ASAP1: variants seen among roughly 807,000 people sequenced by gnomAD.
ASAP1 encodes arf-GAP with SH3 domain, ANK repeat and PH domain-containing protein 1.
ASAP1 carries 43 observed loss-of-function variants against 145.2 expected under a neutral mutation model. The ratio of observed to expected loss-of-function variants is 0.30; its 90% CI spans 0.23 to 0.38. ASAP1 has a LOEUF of 0.38. Ranked by LOEUF, ASAP1 falls within the 10% of genes least tolerant of loss-of-function variation. The pLI is 1.00. For synonymous variants in ASAP1, 546 were observed against 515.5 expected (o/e 1.06, Z -0.80); for missense variants, 1,018 against 1,355.3 (o/e 0.75, Z 3.91).
chr8:130,110,750 C>G (rs2097545358), intron 24 of ASAP1, among the ~76,000 whole-genome samples: 2 of 152,204 alleles, frequency 1.3e-5, no homozygotes, highest in South Asian at 4.1e-4. Context: ...TCTAAGAACA[C>G]AGCTCCCATT....
chr8:130,147,188 A>G, intron 13 of ASAP1, among the ~76,000 whole-genome samples: 1 of 123,572 alleles, frequency 8.1e-6, no homozygotes. Flanking sequence ...TCCAAAGGGA[A>G]ATGCAGTCTC....
intron 26 of ASAP1, 78 bp downstream of exon 26, chr8:130,079,824 C>A (rs1002525198): frequency 1.4e-6 from 2 of 1,462,824 alleles, no homozygotes; most frequent in South Asian, 1.1e-5. Context: ...CTGGGAAATT[C>A]ATGAAAACTC....
intron 9 of ASAP1, among the ~76,000 whole-genome samples, chr8:130,177,783 T>C (rs1255618700): frequency 2.6e-5 from 4 of 152,160 alleles, no homozygotes; most frequent in East Asian, 1.9e-4. Context: ...GACAATAAAA[T>C]ATATAAATAA....
intron 3 of ASAP1, among the ~76,000 whole-genome samples, chr8:130,253,672 G>A (rs1380942934): frequency 6.6e-6 from 1 of 152,044 alleles, no homozygotes; most frequent in African/African-American, 2.4e-5. Flanking sequence ...ACAGAAAATA[G>A]GTATGTATGT....
intron 11 of ASAP1, among the ~76,000 whole-genome samples, chr8:130,165,100 T>G (rs769649266): frequency 6.6e-5 from 10 of 152,238 alleles, no homozygotes; most frequent in Non-Finnish European, 1.3e-4. Context: ...TTTATTAATC[T>G]GGGGTGGGGT....
intron 4 of ASAP1, among the ~76,000 whole-genome samples, chr8:130,223,467 T>C (rs983201131): frequency 6.6e-6 from 1 of 152,216 alleles, no homozygotes; most frequent in Non-Finnish European, 1.5e-5. Context: ...AGAGCTGAAG[T>C]TCTGATGCTA....
At chr8:130,081,116 AT>A (rs2097479212) in intron 25 of ASAP1, among the ~76,000 whole-genome samples, 1 of 152,232 alleles carries the variant, frequency 6.6e-6, no homozygotes, top group African/African-American at 2.4e-5. Flanking sequence ...ATTGAGGAGA[AT>A]AGTTTCTAAA....
intron 3 of ASAP1, among the ~76,000 whole-genome samples, chr8:130,324,305 A>G (rs1342436505): frequency 6.6e-6 from 1 of 152,214 alleles, no homozygotes; most frequent in Non-Finnish European, 1.5e-5. Context: ...TGAGAAGGTA[A>G]ACATCATGGG....
intron 3 of ASAP1, among the ~76,000 whole-genome samples, chr8:130,353,982 G>T (rs990190577): frequency 6.6e-6 from 1 of 152,124 alleles, no homozygotes; most frequent in Non-Finnish European, 1.5e-5. Context: ...CGTCTCCCGG[G>T]TTCATGCCAT....
At chr8:130,063,238 G>A (rs1047110060) in intron 27 of ASAP1, among the ~76,000 whole-genome samples, 16 of 152,118 alleles carry the variant, frequency 1.1e-4, no homozygotes, top group African/African-American at 3.9e-4. Flanking sequence ...GTGCAGTGGT[G>A]CAATCAGGGC....
intron 29 of ASAP1, among the ~76,000 whole-genome samples, chr8:130,055,124 G>C (rs2097400887): frequency 6.6e-6 from 1 of 152,168 alleles, no homozygotes; most frequent in African/African-American, 2.4e-5. Context: ...GTGGCCCAGA[G>C]AGGTGACATG....
chr8:130,249,055 T>C (rs1475416936), intron 3 of ASAP1, among the ~76,000 whole-genome samples: 8 of 152,158 alleles, frequency 5.3e-5, no homozygotes, highest in Non-Finnish European at 7.4e-5. Flanking sequence ...TGTGCCTCTA[T>C]GTCAGGTTAT....
intron 4 of ASAP1, among the ~76,000 whole-genome samples, chr8:130,232,381 C>A (rs1185765144): frequency 6.6e-6 from 1 of 152,068 alleles, no homozygotes; most frequent in Non-Finnish European, 1.5e-5. Flanking sequence ...GGGAGAGGGA[C>A]CACTAAGGCA....
chr8:130,136,482 G>T (rs1165368312), intron 14 of ASAP1, among the ~76,000 whole-genome samples: 2 of 151,784 alleles, frequency 1.3e-5, no homozygotes, highest in Admixed American at 6.6e-5. Context: ...TCGTTGTACA[G>T]ATATAGTGGC....
At chr8:130,338,279 C>T (rs1433179805) in intron 3 of ASAP1, among the ~76,000 whole-genome samples, 1 of 152,208 alleles carries the variant, frequency 6.6e-6, no homozygotes, top group African/African-American at 2.4e-5. Context: ...AGTTAAGTGG[C>T]AGCAGCAGGC....
chr8:130,086,634 T>C (rs1286169731), intron 25 of ASAP1, among the ~76,000 whole-genome samples: 1 of 152,026 alleles, frequency 6.6e-6, no homozygotes, highest in Non-Finnish European at 1.5e-5. Context: ...TGAAACCCCG[T>C]CTCCACAAAA....
intron 11 of ASAP1, 32 bp from the exon 12 acceptor site, chr8:130,159,996 A>C: frequency 6.4e-7 from 1 of 1,557,422 alleles, no homozygotes; most frequent in African/African-American, 1.4e-5. Context: ...TTAAACAAAA[A>C]CTAGAGACAA....
intron 15 of ASAP1, among the ~76,000 whole-genome samples, chr8:130,132,890 C>T (rs992909976): frequency 1.3e-4 from 20 of 152,162 alleles, no homozygotes; most frequent in Admixed American, 9.8e-4. Context: ...TCTTCTCTTT[C>T]TGATCCTTTA....
At chr8:130,327,429 G>A (rs1431677632) in intron 3 of ASAP1, among the ~76,000 whole-genome samples, 4 of 152,184 alleles carry the variant, frequency 2.6e-5, no homozygotes, top group African/African-American at 9.7e-5. Flanking sequence ...GCAGCTCTAG[G>A]AGCCTGAAGC....
Sources: gnomAD v4.1 joint callset for allele counts (sites outside exome capture counted in the v4.1 genomes callset) on GRCh38, gnomAD v4.1.1 for gene constraint, MANE v1.5 for transcripts, NCBI Gene and HGNC (gene_info 2026-07-23, HGNC 2026-07-21) for gene names.